Variants in BCKDHA observed in about 807,000 individuals in gnomAD.
The protein encoded by BCKDHA is 2-oxoisovalerate dehydrogenase subunit alpha, mitochondrial.
Under a neutral mutation model 52.2 loss-of-function variants are expected in BCKDHA, and 43 were observed. The ratio of observed to expected loss-of-function variants is 0.82; its 90% CI spans 0.64 to 1.06. The LOEUF (loss-of-function observed/expected upper bound fraction) is 1.06, where lower values mean the gene tolerates loss of function less well. Among genes scored for constraint, BCKDHA ranks in the 50% least tolerant of loss-of-function variants. The pLI is 0.00. For synonymous variants in BCKDHA, 234 were observed against 247.9 expected, an observed-to-expected ratio of 0.94 and a Z score of 0.53; for missense variants, 527 against 621.3, an observed-to-expected ratio of 0.85 and a Z score of 1.61.
chr19:41,422,974 C>T, intron 7 of BCKDHA, 24 bp from the exon 8 acceptor site: 1 of 1,604,892 alleles, frequency 6.2e-7, no homozygotes, highest in Non-Finnish European at 8.5e-7. Context: ...CCACACTGAC[C>T]TGGGGCCCCT....
intron 5 of BCKDHA, among the ~76,000 whole-genome samples, chr19:41,420,761 C>T (rs2039355753): frequency 6.6e-6 from 1 of 152,166 alleles, no homozygotes; most frequent in South Asian, 2.1e-4. Flanking sequence ...TAAGCTTCCC[C>T]AAAGCTTACC....
At chr19:41,407,486 T>C (rs1393591435) in intron 1 of BCKDHA, among the ~76,000 whole-genome samples, 1 of 152,112 alleles carries the variant, frequency 6.6e-6, no homozygotes, top group Non-Finnish European at 1.5e-5. Context: ...CAAAGCAATC[T>C]TCTAGGTCAG....
chr19:41,405,754 C>T (rs542493285), intron 1 of BCKDHA, among the ~76,000 whole-genome samples: 4 of 152,296 alleles, frequency 2.6e-5, no homozygotes, highest in East Asian at 1.9e-4. Flanking sequence ...AATCAGGCAG[C>T]GGTCTGCTCA....
In BCKDHA at chr19:41,414,166, G is replaced by T. The variant is rs766557248; in HGVS notation, c.484+9G>T. On this transcript the variant is annotated intron_variant, in intron 4 of 8. Coordinates refer to ENST00000269980, the MANE Select transcript of BCKDHA (RefSeq NM_000709.4). Reference sequence around the variant, plus strand: ...CCAGTACCGGGAGGCAGGTACGTCTGTCCGTGGTTTGGCCCTGTGGTCCCC... The same window carrying T: ...CCAGTACCGGGAGGCAGGTACGTCTTTCCGTGGTTTGGCCCTGTGGTCCCC... 3 of 1,612,920 alleles carry T rather than the reference G, an allele frequency of 1.9e-6. No homozygotes were observed. Among genetic ancestry groups the T allele is most frequent in the Non-Finnish European group, 2.5e-6 (3 of 1,179,550 alleles).
rs1444606015 is a variant in BCKDHA at position 41,423,002 on chromosome 19, G to A, written c.1000G>A (p.Gly334Arg). 2 of 1,608,764 alleles carry A rather than the reference G, an allele frequency of 1.2e-6. No homozygotes were observed. Among genetic ancestry groups the A allele is most frequent in the African/African-American group, 1.3e-5 (1 of 74,896 alleles). The change falls in exon 8 of 9, where the codon GGG becomes AGG. Residue 334 changes from glycine (G) to arginine (R), a missense_variant. By Grantham distance (125) the Gly-to-Arg change is moderately radical. Transcript: ENST00000269980. ...GGGCCCCTTGCCCCTGTGCAGGATC[G>A]GGCACCACAGCACCAGTGACGACAG... is the stretch of plus-strand genomic sequence containing the variant. ...FLIEAMTYRI[G>R]HHSTSDDSSA...
intron 3 of BCKDHA, among the ~76,000 whole-genome samples, chr19:41,413,810 G>A (rs111705372): frequency 7.2e-5 from 11 of 152,074 alleles, no homozygotes; most frequent in Non-Finnish European, 1.6e-4. Context: ...ATGCCCTTCC[G>A]TGGTGGAACA....
intron 1 of BCKDHA, among the ~76,000 whole-genome samples, chr19:41,403,206 T>C (rs1423049546): frequency 1.3e-5 from 2 of 152,214 alleles, no homozygotes; most frequent in Non-Finnish European, 1.5e-5. Context: ...CTCAACTCTT[T>C]GCTCTGTTTG....
rs1367109275 is a variant in BCKDHA, at chr19:41,422,216, C to A, written c.699C>A (p.Ile233=). 4 of 1,614,182 alleles carry A rather than the reference C, an allele frequency of 2.5e-6. No individual in the cohort carries two copies. Among genetic ancestry groups the A allele is most frequent in the Middle Eastern group, 1.7e-4 (1 of 6,056 alleles). The change falls in exon 6 of 9, where the codon ATC becomes ATA. Residue 233 remains isoleucine (I), a synonymous_variant. Transcript: ENST00000269980. ...AKRANANRVV[I]CYFGEGAASE... ...GGGCCAATGCCAACAGGGTCGTCAT[C>A]TGTTACTTCGGCGAGGGGGCAGCCA...
chr19:41,412,717 A>G (rs2039269864), intron 3 of BCKDHA, among the ~76,000 whole-genome samples: 1 of 146,384 alleles, frequency 6.8e-6, no homozygotes, highest in Non-Finnish European at 1.5e-5. Context: ...TTATTTATTT[A>G]TTTAGAGACG....
intron 1 of BCKDHA, among the ~76,000 whole-genome samples, chr19:41,410,016 A>G (rs1217392181): frequency 1.3e-5 from 2 of 152,098 alleles, no homozygotes; most frequent in East Asian, 1.9e-4. Context: ...GGCCACATTG[A>G]TCTCGAACTC....
Position 41,422,400 on chromosome 19 carries a change from C to T in BCKDHA, c.853+30C>T, listed in dbSNP as rs150511115. 2.5e-3 allele frequency: 3,976 copies of T among 1,612,574 alleles called. 57 individuals are homozygous for T. The highest frequency in any genetic ancestry group is 0.025 in the South Asian group (2,232 of 91,042). On this transcript the variant is annotated intron_variant, in intron 6 of 8. Coordinates refer to ENST00000269980, the MANE Select transcript of BCKDHA (RefSeq NM_000709.4). ...GGGCTCTGCTGGCTGCTCCCCACCC[C>T]GCTGGGATCATCTCCTTCCCTCCCC...
intron 8 of BCKDHA, among the ~76,000 whole-genome samples, chr19:41,423,623 G>T (rs2122148040): frequency 6.6e-6 from 1 of 152,330 alleles, no homozygotes; most frequent in African/African-American, 2.4e-5. Flanking sequence ...CCTGAGGTCG[G>T]GAGTTTGAGA....
intron 1 of BCKDHA, among the ~76,000 whole-genome samples, chr19:41,398,488 CAG>C (rs1334562996): frequency 6.6e-6 from 1 of 152,132 alleles, no homozygotes; most frequent in East Asian, 1.9e-4. Flanking sequence ...AATATCAAGA[CAG>C]AGAATTCGTG....
At chr19:41,408,871 G>A (rs940431868) in intron 1 of BCKDHA, among the ~76,000 whole-genome samples, 5 of 152,126 alleles carry the variant, frequency 3.3e-5, no homozygotes. Flanking sequence ...TGAGCCCAAA[G>A]TGTTGGGATT....
chr19:41,412,772 C>T (rs575223211), intron 3 of BCKDHA, among the ~76,000 whole-genome samples: 36 of 151,978 alleles, frequency 2.4e-4, no homozygotes, highest in Non-Finnish European at 4.7e-4. Flanking sequence ...GGCGCAATCT[C>T]GGCTCACTGC....
At chr19:41,405,413 G>A (rs546746278) in intron 1 of BCKDHA, among the ~76,000 whole-genome samples, 2 of 151,852 alleles carry the variant, frequency 1.3e-5, no homozygotes, top group Admixed American at 1.3e-4. Context: ...AGCCCCTCAA[G>A]TAGTTGGGGA....
At chr19:41,419,746 C>CTT (rs201343587) in intron 5 of BCKDHA, among the ~76,000 whole-genome samples, 13 of 127,928 alleles carry the variant, frequency 1.0e-4, no homozygotes, top group Non-Finnish European at 1.6e-4. Flanking sequence ...GCCCAGCCCA[C>CTT]TTTTTTTTTT....
rs1018940296 is a variant in BCKDHA at position 41,414,161 on chromosome 19, C to T, written c.484+4C>T. On this transcript the variant is annotated splice_donor_region_variant and intron_variant, in intron 4 of 8. Coordinates refer to ENST00000269980, the MANE Select transcript of BCKDHA (RefSeq NM_000709.4). ...TTTGGCCAGTACCGGGAGGCAGGTA[C>T]GTCTGTCCGTGGTTTGGCCCTGTGG... The T allele has an allele frequency of 8.7e-6, 14 of 1,612,982 alleles. No individual in the cohort carries two copies. Among genetic ancestry groups the T allele is most frequent in the Admixed American group, 1.7e-5 (1 of 60,000 alleles).
At position 41,413,107 on chromosome 19, in the gene BCKDHA, C is replaced by T. The variant is rs954921612; in HGVS notation, c.376-942C>T. 2.0e-5 allele frequency among the ~76,000 whole-genome samples: 3 copies of T among 152,310 alleles called. No homozygotes were observed. In the East Asian group the frequency reaches 5.8e-4, roughly 29 times the overall value. On this transcript the variant is annotated intron_variant, in intron 3 of 8. Transcript: ENST00000269980. ...TCACTGTTGTTGGTGAGTTGACCTT[C>T]GTGCTCTGCTTGTGGCCTCGTGTTC...
Sources: gnomAD v4.1 joint callset for allele counts (sites outside exome capture counted in the v4.1 genomes callset) on GRCh38, gnomAD v4.1.1 for gene constraint, MANE v1.5 for transcripts, NCBI Gene and HGNC (gene_info 2026-07-23, HGNC 2026-07-21) for gene names.